The following MICU3 variants were observed in gnomAD, a reference collection of about 807,000 sequenced individuals.
MICU3 encodes calcium uptake protein 3, mitochondrial.
A neutral mutation model predicts 66.5 loss-of-function variants in MICU3; 62 were observed. The ratio of observed to expected loss-of-function variants is 0.93; its 90% CI spans 0.76 to 1.15. The LOEUF (loss-of-function observed/expected upper bound fraction) is 1.15. Among genes scored for constraint, MICU3 ranks in the 50% most tolerant of loss-of-function variants. The probability of loss-of-function intolerance (pLI) is 0.00; values close to 1 mark genes in which losing one functional copy is unlikely to be tolerated. For synonymous variants in MICU3, 308 were observed against 240.7 expected, an observed-to-expected ratio of 1.28 and a Z score of -2.59; for missense variants, 779 against 664.4, an observed-to-expected ratio of 1.17 and a Z score of -1.90.
At chr8:17,090,442 C>T in intron 7 of MICU3, 104 bp from the exon 8 acceptor site, 1 of 914,922 alleles carries the variant, frequency 1.1e-6, no homozygotes, top group East Asian at 2.5e-5. Context: ...ATGATTTGCC[C>T]TTCCTAATTG....
chr8:17,073,671 G>A (rs976553408), intron 3 of MICU3, among the ~76,000 whole-genome samples: 2 of 152,042 alleles, frequency 1.3e-5, no homozygotes, highest in East Asian at 3.9e-4. Context: ...CCAGTCCCTG[G>A]TGCCAAAAAG....
chr8:17,098,695 A>G, intron 9 of MICU3, 142 bp downstream of exon 9: 1 of 598,344 alleles, frequency 1.7e-6, no homozygotes, highest in South Asian at 2.3e-5. Flanking sequence ...TACTATATAT[A>G]AACTGTGTAT....
intron 1 of MICU3, among the ~76,000 whole-genome samples, chr8:17,050,035 A>G (rs926929894): frequency 1.3e-5 from 2 of 152,070 alleles, no homozygotes; most frequent in South Asian, 4.1e-4. Context: ...AATTTATTTA[A>G]CCATTGTCCT....
Position 17,027,272 on chromosome 8 carries a change from C to A in MICU3, c.-8C>A, listed in dbSNP as rs369005531. ...CCCCTCCCAGCTCTGGTGTGGGCGG[C>A]CTCCGCTATGGCTGCGCTGCGAAGG... On this transcript the variant is annotated 5_prime_UTR_variant, in exon 1 of 15. Transcript: ENST00000318063. The A allele has an allele frequency of 8.5e-7, 1 of 1,176,268 alleles. No homozygotes were observed. Among genetic ancestry groups the A allele is most frequent in the Non-Finnish European group, 1.1e-6 (1 of 939,036 alleles). 72.9% of individuals were successfully genotyped at this position (1,176,268 alleles called of 1,614,324 possible).
chr8:17,118,119 T>C (rs1802860276), intron 13 of MICU3, among the ~76,000 whole-genome samples: 1 of 152,190 alleles, frequency 6.6e-6, no homozygotes, highest in African/African-American at 2.4e-5. Context: ...TCGTTTATTT[T>C]GCCTCAAAAA....
intron 5 of MICU3, among the ~76,000 whole-genome samples, chr8:17,084,224 C>A (rs140801749): frequency 1.5e-3 from 224 of 152,112 alleles, no homozygotes; most frequent in African/African-American, 5.1e-3. Flanking sequence ...GTAAGGAGGA[C>A]TTCTTTTCTG....
intron 4 of MICU3, among the ~76,000 whole-genome samples, chr8:17,078,593 T>G: frequency 6.6e-6 from 1 of 152,100 alleles, no homozygotes; most frequent in Non-Finnish European, 1.5e-5. Context: ...ATAAAAATGT[T>G]AAAGAAATTA....
chr8:17,063,426 A>G (rs1173194101), intron 1 of MICU3, among the ~76,000 whole-genome samples: 1 of 151,984 alleles, frequency 6.6e-6, no homozygotes, highest in African/African-American at 2.4e-5. Context: ...TAATCAGGAA[A>G]ATAAATCCTT....
chr8:17,081,758 T>A lies in MICU3; in HGVS notation c.694+18T>A. The A allele has an allele frequency of 1.1e-6, 1 of 917,354 alleles. No homozygotes were observed. The highest frequency in any genetic ancestry group is 1.7e-6 in the Non-Finnish European group (1 of 592,854). The allele number at this position is 917,354 out of a possible 1,614,324, so 56.8% of individuals were successfully genotyped here. On this transcript the variant is annotated intron_variant, in intron 5 of 14. Coordinates refer to ENST00000318063, the MANE Select transcript of MICU3 (RefSeq NM_181723.3). ...TTTAACAAGTAAGTATACTTATTGC[T>A]TTTATTTCTGGATGCAGCTTTATTT...
Position 17,118,684 on chromosome 8 carries a change from C to A in MICU3, c.1525-23C>A, listed in dbSNP as rs895603117. 3.3e-6 allele frequency: 5 copies of A among 1,529,432 alleles called. No individual in the cohort carries two copies. The South Asian group carries it at 4.6e-5, about 14-fold the overall frequency. The allele number at this position is 1,529,432 out of a possible 1,614,324, so 94.7% of individuals were successfully genotyped here. On this transcript the variant is annotated intron_variant, in intron 13 of 14. Transcript: ENST00000318063. ...GTATTTGTCTTTCTGTACATTTGCA[C>A]ACTTTGCTCTTCTGTTTTACAGGGT...
intron 11 of MICU3, among the ~76,000 whole-genome samples, chr8:17,111,359 GTT>G (rs1163607658): frequency 2.0e-5 from 3 of 151,690 alleles, no homozygotes; most frequent in Non-Finnish European, 4.4e-5. Context: ...GTCTCACTCT[GTT>G]ACCCAGGCAG....
chr8:17,108,477 T>C (rs1210517543), intron 11 of MICU3, among the ~76,000 whole-genome samples: 2 of 152,202 alleles, frequency 1.3e-5, no homozygotes, highest in Non-Finnish European at 2.9e-5. Flanking sequence ...ACACTTGTTC[T>C]GCAAACCATC....
At chr8:17,045,939 C>T (rs7015433) in intron 1 of MICU3, among the ~76,000 whole-genome samples, 21,396 of 152,140 alleles carry the variant, frequency 0.14, 2,976 homozygotes, top group African/African-American at 0.36. Context: ...GGGTCCCTCC[C>T]GTGACATGTG....
intron 1 of MICU3, among the ~76,000 whole-genome samples, chr8:17,040,289 C>G (rs939628105): frequency 2.0e-5 from 3 of 152,292 alleles, no homozygotes; most frequent in South Asian, 4.1e-4. Flanking sequence ...ACATACAAGT[C>G]TTGTATCTCA....
At chr8:17,073,549 A>T (rs1334417198) in intron 3 of MICU3, among the ~76,000 whole-genome samples, 1 of 152,144 alleles carries the variant, frequency 6.6e-6, no homozygotes, top group Non-Finnish European at 1.5e-5. Context: ...TATATGTTAC[A>T]TTGTAATAAT....
At chr8:17,079,193 G>C (rs1418058526) in intron 4 of MICU3, among the ~76,000 whole-genome samples, 1 of 148,998 alleles carries the variant, frequency 6.7e-6, no homozygotes, top group African/African-American at 2.5e-5. Context: ...GCACCACTAT[G>C]ACGGAAATAC....
intron 1 of MICU3, among the ~76,000 whole-genome samples, chr8:17,046,120 G>A (rs1348984263): frequency 6.6e-6 from 1 of 152,210 alleles, no homozygotes; most frequent in Non-Finnish European, 1.5e-5. Flanking sequence ...AATCCAAAGA[G>A]GGATCATGTG....
At chr8:17,073,095 C>T (rs1171139800) in intron 3 of MICU3, among the ~76,000 whole-genome samples, 1 of 152,044 alleles carries the variant, frequency 6.6e-6, no homozygotes. Flanking sequence ...TTTGCTCTGT[C>T]ACCCAGGCTG....
chr8:17,108,181 G>A lies in MICU3; in HGVS notation c.1257+2597G>A, dbSNP rs189766431. Among the ~76,000 whole-genome samples, 4 of 152,290 alleles carry A rather than the reference G, an allele frequency of 2.6e-5. No individual in the cohort carries two copies. The East Asian group carries it at 7.7e-4, about 29-fold the overall frequency. On this transcript the variant is annotated intron_variant, in intron 11 of 14. Transcript: ENST00000318063. Reference sequence around the variant, plus strand: ...AGCAAAACCATGAATTTAGGGTTAGGAGGGAATCAAGAGTTTTATTAGGAA... The same window carrying A: ...AGCAAAACCATGAATTTAGGGTTAGAAGGGAATCAAGAGTTTTATTAGGAA...
Sources: allele counts gnomAD v4.1 joint callset (sites outside exome capture counted in the v4.1 genomes callset), GRCh38; gene constraint gnomAD v4.1.1; transcripts MANE v1.5; gene names NCBI Gene and HGNC (gene_info 2026-07-23, HGNC 2026-07-21).